Variants in RASGEF1C observed in about 807,000 individuals in gnomAD.
The protein encoded by RASGEF1C is ras-GEF domain-containing family member 1C.
Under a neutral mutation model 58.1 loss-of-function variants are expected in RASGEF1C, and 27 were observed. That is an observed-to-expected ratio of 0.46 (90% CI 0.34 to 0.64). The LOEUF is 0.64. Among genes scored for constraint, RASGEF1C ranks in the 30% least tolerant of loss-of-function variants. RASGEF1C has a pLI of 0.01. For missense variants in RASGEF1C, 502 were observed against 605.1 expected (o/e 0.83, Z 1.79); for synonymous variants, 243 against 246.3 (o/e 0.99, Z 0.13).
intron 10 of RASGEF1C, among the ~76,000 whole-genome samples, chr5:180,117,224 G>C (rs1766084495): frequency 6.6e-6 from 1 of 152,224 alleles, no homozygotes. Context: ...CTCACAGCCT[G>C]AACAGGAAAG....
intron 4 of RASGEF1C, among the ~76,000 whole-genome samples, chr5:180,130,013 G>A (rs181319240): frequency 2.5e-4 from 38 of 152,326 alleles, no homozygotes; most frequent in Middle Eastern, 3.4e-3. Flanking sequence ...GAGCCCGTGC[G>A]TCTGAGCTGG....
At chr5:180,173,849 T>C (rs60112264) in intron 1 of RASGEF1C, among the ~76,000 whole-genome samples, 3,687 of 150,264 alleles carry the variant, frequency 0.025, 129 homozygotes, top group African/African-American at 0.08. Context: ...GGAGGCGGAG[T>C]TTGCAGTGAG....
chr5:180,135,224 G>A (rs146587934), intron 4 of RASGEF1C: 1 of 152,356 alleles, frequency 6.6e-6, no homozygotes, highest in Non-Finnish European at 1.5e-5. Context: ...TCACCTCACT[G>A]AGCCTCAGAA....
chr5:180,103,483 C>T (rs556659426), intron 12 of RASGEF1C, among the ~76,000 whole-genome samples: 19 of 152,236 alleles, frequency 1.2e-4, no homozygotes, highest in Middle Eastern at 3.4e-3. Context: ...TTAGTTTCAG[C>T]GTGCACATGT....
intron 1 of RASGEF1C, among the ~76,000 whole-genome samples, chr5:180,208,713 C>T (rs547810405): frequency 7.9e-5 from 12 of 152,092 alleles, no homozygotes; most frequent in African/African-American, 2.6e-4. Flanking sequence ...TCTAGGCTGG[C>T]TCTTCCTGCC....
At chr5:180,175,356 C>T (rs1388521424) in intron 1 of RASGEF1C, among the ~76,000 whole-genome samples, 1 of 152,228 alleles carries the variant, frequency 6.6e-6, no homozygotes, top group Non-Finnish European at 1.5e-5. Flanking sequence ...CCAGGCCTCG[C>T]CCCAGCTCCT....
intron 1 of RASGEF1C, among the ~76,000 whole-genome samples, chr5:180,150,987 T>A (rs1309791379): frequency 6.6e-6 from 1 of 150,414 alleles, no homozygotes; most frequent in Non-Finnish European, 1.5e-5. Context: ...GAGAATAAAA[T>A]ACCTAGGAAT....
intron 12 of RASGEF1C, among the ~76,000 whole-genome samples, chr5:180,105,527 A>T (rs140194123): frequency 0.028 from 4,178 of 150,906 alleles, 204 homozygotes; most frequent in African/African-American, 0.097. Context: ...GCGCCACTGC[A>T]CTCCATCCTG....
chr5:180,149,088 C>CTTTTTTTTTTTTTTTTT (rs61204210), intron 1 of RASGEF1C, among the ~76,000 whole-genome samples: 1 of 110,176 alleles, frequency 9.1e-6, no homozygotes, highest in African/African-American at 3.4e-5. Context: ...CTTTTTTTTT[C>CTTTTTTTTTTTTTTTTT]TTTTTTTTTT....
chr5:180,181,696 T>C (rs1767330715), intron 1 of RASGEF1C, among the ~76,000 whole-genome samples: 1 of 152,216 alleles, frequency 6.6e-6, no homozygotes, highest in African/African-American at 2.4e-5. Flanking sequence ...CATGAGCCCC[T>C]GATCCAGAAC....
intron 1 of RASGEF1C, among the ~76,000 whole-genome samples, chr5:180,171,919 G>A (rs1191429931): frequency 6.6e-6 from 1 of 152,086 alleles, no homozygotes; most frequent in Non-Finnish European, 1.5e-5. Context: ...CTCAGCTGTC[G>A]GACCTCAGCT....
At chr5:180,172,900 C>T (rs1462316208) in intron 1 of RASGEF1C, among the ~76,000 whole-genome samples, 1 of 152,246 alleles carries the variant, frequency 6.6e-6, no homozygotes, top group East Asian at 1.9e-4. Context: ...TTTGCCCATG[C>T]TCTATCCTCT....
At chr5:180,105,549 A>G (rs1308818309) in intron 12 of RASGEF1C, among the ~76,000 whole-genome samples, 35 of 140,940 alleles carry the variant, frequency 2.5e-4, no homozygotes, top group East Asian at 1.3e-3. Context: ...GTGACAGAGC[A>G]AGACTCTGTC....
intron 12 of RASGEF1C, among the ~76,000 whole-genome samples, chr5:180,108,008 A>T (rs537084526): frequency 6.6e-6 from 1 of 152,078 alleles, no homozygotes; most frequent in Non-Finnish European, 1.5e-5. Context: ...CCTTTTGGGG[A>T]TCATTCAGCT....
chr5:180,164,739 C>T (rs1417375489), intron 1 of RASGEF1C, among the ~76,000 whole-genome samples: 3 of 152,154 alleles, frequency 2.0e-5, no homozygotes, highest in African/African-American at 7.2e-5. Flanking sequence ...ATTCCATTTG[C>T]ACTTGAAAAG....
chr5:180,109,960 C>T (rs1045573681), intron 12 of RASGEF1C, among the ~76,000 whole-genome samples: 2 of 150,874 alleles, frequency 1.3e-5, no homozygotes, highest in African/African-American at 4.9e-5. Context: ...TCATTTCAGC[C>T]CTCTGCTCTC....
intron 4 of RASGEF1C, among the ~76,000 whole-genome samples, chr5:180,131,237 C>T (rs1487189751): frequency 6.6e-6 from 1 of 152,172 alleles, no homozygotes; most frequent in African/African-American, 2.4e-5. Flanking sequence ...AAGATAGGAG[C>T]CCTGGCGTGA....
chr5:180,123,047 C>CTGAT (rs1766201454), intron 6 of RASGEF1C, among the ~76,000 whole-genome samples: 1 of 152,130 alleles, frequency 6.6e-6, no homozygotes, highest in Non-Finnish European at 1.5e-5. Context: ...AAAAATATAT[C>CTGAT]TGATAAATAT....
At chr5:180,149,171 T>G (rs1440602304) in intron 1 of RASGEF1C, among the ~76,000 whole-genome samples, 3 of 143,144 alleles carry the variant, frequency 2.1e-5, no homozygotes, top group African/African-American at 7.9e-5. Context: ...CACTGCAAAC[T>G]CTGCCTCCTG....
Sources: allele counts gnomAD v4.1 joint callset (sites outside exome capture counted in the v4.1 genomes callset), GRCh38; gene constraint gnomAD v4.1.1; transcripts MANE v1.5; gene names NCBI Gene and HGNC (gene_info 2026-07-23, HGNC 2026-07-21).